The following RNF150 variants were observed in gnomAD, a reference collection of about 807,000 sequenced individuals.
The protein encoded by RNF150 is ring finger protein 150.
In RNF150, 24 loss-of-function variants were observed where a neutral mutation model predicts 39.3. That is an observed-to-expected ratio of 0.61 (90% CI 0.44 to 0.86). The LOEUF (loss-of-function observed/expected upper bound fraction) is 0.86, where lower values mean the gene tolerates loss of function less well. RNF150 is among the 40% of genes least tolerant of loss of function. The pLI, the probability that RNF150 is intolerant of heterozygous loss-of-function variation, is 0.00. For missense variants in RNF150, 502 were observed against 587.8 expected, an observed-to-expected ratio of 0.85 and a Z score of 1.51; for synonymous variants, 255 against 227.3, an observed-to-expected ratio of 1.12 and a Z score of -1.10.
upstream of RNF150, among the ~76,000 whole-genome samples, chr4:141,136,890 G>A (rs1727036544): frequency 6.6e-6 from 1 of 152,194 alleles, no homozygotes; most frequent in African/African-American, 2.4e-5. Context: ...AGGGTCAGCT[G>A]CTTTGTGAGG....
intron 5 of RNF150, among the ~76,000 whole-genome samples, chr4:140,923,528 G>A (rs34651995): frequency 0.024 from 3,672 of 152,052 alleles, 163 homozygotes; most frequent in African/African-American, 0.082. Flanking sequence ...TGGTGGGACT[G>A]TAAACTAGTT....
chr4:141,186,913 T>C (rs1418110359), intron 1 of RNF150, among the ~76,000 whole-genome samples: 1 of 151,742 alleles, frequency 6.6e-6, no homozygotes, highest in Non-Finnish European at 1.5e-5. Context: ...ATTTCTTTGC[T>C]CTTGCTTCTC....
At chr4:141,187,628 T>A (rs1368801605) in intron 1 of RNF150, among the ~76,000 whole-genome samples, 1 of 152,226 alleles carries the variant, frequency 6.6e-6, no homozygotes, top group Non-Finnish European at 1.5e-5. Flanking sequence ...TCTTTTTTGA[T>A]CTTTGTTGGT....
intron 1 of RNF150, among the ~76,000 whole-genome samples, chr4:141,071,126 G>A (rs1190906265): frequency 1.7e-4 from 23 of 138,308 alleles, no homozygotes; most frequent in South Asian, 7.2e-4. Flanking sequence ...GTAAACTATT[G>A]CAAGAACAAA....
At chr4:141,064,048 A>T (rs551354551) in intron 1 of RNF150, among the ~76,000 whole-genome samples, 132 of 152,248 alleles carry the variant, frequency 8.7e-4, no homozygotes, top group African/African-American at 3.1e-3. Context: ...GAAAGTTAAA[A>T]AACGGCCTCC....
intron 1 of RNF150, among the ~76,000 whole-genome samples, chr4:141,046,105 A>C (rs1038973283): frequency 3.3e-5 from 5 of 152,178 alleles, no homozygotes; most frequent in Non-Finnish European, 5.9e-5. Context: ...AGATGGACAG[A>C]AATGGAATGT....
At chr4:140,968,703 T>A (rs531432639) in intron 1 of RNF150, among the ~76,000 whole-genome samples, 1 of 151,946 alleles carries the variant, frequency 6.6e-6, no homozygotes, top group South Asian at 2.1e-4. Flanking sequence ...AAAGTACCAT[T>A]TTTTCTTGGG....
chr4:141,172,401 A>G (rs999689769), intron 1 of RNF150, among the ~76,000 whole-genome samples: 1 of 152,150 alleles, frequency 6.6e-6, no homozygotes, highest in African/African-American at 2.4e-5. Flanking sequence ...TCACAGCGAG[A>G]CTCTGGCAAG....
At chr4:141,149,703 G>A (rs970448944) in intron 1 of RNF150, among the ~76,000 whole-genome samples, 1 of 152,128 alleles carries the variant, frequency 6.6e-6, no homozygotes, top group Non-Finnish European at 1.5e-5. Context: ...AAACATACGT[G>A]TGCAAGTATC....
intron 6 of RNF150, among the ~76,000 whole-genome samples, chr4:140,904,130 C>T (rs1730289742): frequency 6.6e-6 from 1 of 152,150 alleles, no homozygotes; most frequent in Admixed American, 6.5e-5. Flanking sequence ...ACAGCTGTGC[C>T]TCTGGTGAAG....
At chr4:140,891,682 G>C (rs1375448858) in intron 6 of RNF150, among the ~76,000 whole-genome samples, 1 of 152,142 alleles carries the variant, frequency 6.6e-6, no homozygotes, top group African/African-American at 2.4e-5. Context: ...TGTAGAATCT[G>C]CATATAATCT....
chr4:141,182,180 C>G (rs11724625), intron 1 of RNF150, among the ~76,000 whole-genome samples: 296 of 141,280 alleles, frequency 2.1e-3, no homozygotes, highest in Non-Finnish European at 3.6e-3. Context: ...GGACGTATTT[C>G]AAAATAATAA....
At chr4:140,969,310 G>A (rs1372678095) in intron 1 of RNF150, among the ~76,000 whole-genome samples, 4 of 152,086 alleles carry the variant, frequency 2.6e-5, no homozygotes, top group Admixed American at 1.3e-4. Flanking sequence ...CTGAAATTTT[G>A]CAAATCCAAT....
intron 1 of RNF150, among the ~76,000 whole-genome samples, chr4:141,131,985 G>T (rs899763464): frequency 6.6e-6 from 1 of 152,036 alleles, no homozygotes; most frequent in African/African-American, 2.4e-5. Context: ...CCAAACAGGT[G>T]CTGGGCCGGT....
At chr4:141,054,372 A>G (rs902814171) in intron 1 of RNF150, among the ~76,000 whole-genome samples, 1 of 152,176 alleles carries the variant, frequency 6.6e-6, no homozygotes, top group Admixed American at 6.6e-5. Context: ...TATTTCCTGT[A>G]GATTAATTCA....
At chr4:141,188,711 C>T (rs531315322) in intron 1 of RNF150, among the ~76,000 whole-genome samples, 1 of 152,304 alleles carries the variant, frequency 6.6e-6, no homozygotes, top group South Asian at 2.1e-4. Flanking sequence ...GTCATTTATG[C>T]TCTTCTCTTA....
chr4:141,095,193 G>A (rs1158596151), intron 1 of RNF150, among the ~76,000 whole-genome samples: 2 of 152,208 alleles, frequency 1.3e-5, no homozygotes, highest in Non-Finnish European at 2.9e-5. Context: ...TTAAGAAATT[G>A]TTGGAGGCCA....
intron 1 of RNF150, among the ~76,000 whole-genome samples, chr4:141,109,073 A>G (rs1739304978): frequency 6.6e-6 from 1 of 152,230 alleles, no homozygotes; most frequent in South Asian, 2.1e-4. Context: ...CTCAGAACAC[A>G]ATGAGAGATA....
chr4:141,027,916 T>TG (rs1735770466), intron 1 of RNF150, among the ~76,000 whole-genome samples: 6 of 60,260 alleles, frequency 1.0e-4, no homozygotes, highest in Admixed American at 1.9e-4. Context: ...GAATTTGTTT[T>TG]TTTTTTTTTG....
Sources: gnomAD v4.1 joint callset for allele counts (sites outside exome capture counted in the v4.1 genomes callset) on GRCh38, gnomAD v4.1.1 for gene constraint, MANE v1.5 for transcripts, NCBI Gene and HGNC (gene_info 2026-07-23, HGNC 2026-07-21) for gene names.